SNX24: variants seen among roughly 807,000 people sequenced by gnomAD.
SNX24 encodes the protein sorting nexin-24.
Under a neutral mutation model 28.7 loss-of-function variants are expected in SNX24, and 22 were observed. That is an observed-to-expected ratio of 0.77 (90% CI 0.55 to 1.10). The LOEUF is 1.10. Ranked by LOEUF, SNX24 falls within the 50% of genes least tolerant of loss-of-function variation. The probability of loss-of-function intolerance (pLI) is 0.00; values close to 1 mark genes in which losing one functional copy is unlikely to be tolerated. For missense variants in SNX24, 221 were observed against 201.1 expected (o/e 1.10, Z -0.60); for synonymous variants, 69 against 71.5 (o/e 0.96, Z 0.18).
intron 3 of SNX24, among the ~76,000 whole-genome samples, chr5:122,959,416 G>C (rs1195777440): frequency 6.7e-6 from 1 of 150,232 alleles, no homozygotes; most frequent in Non-Finnish European, 1.5e-5. Context: ...ATATATTAGA[G>C]ACAAGACAAG....
chr5:122,874,112 A>G (rs1756116821), intron 1 of SNX24, among the ~76,000 whole-genome samples: 1 of 152,204 alleles, frequency 6.6e-6, no homozygotes, highest in African/African-American at 2.4e-5. Flanking sequence ...GTGGAGCAGT[A>G]GTTAAATCAG....
intron 2 of SNX24, among the ~76,000 whole-genome samples, chr5:122,938,176 C>A (rs574477781): frequency 1.5e-4 from 23 of 152,118 alleles, no homozygotes; most frequent in Non-Finnish European, 2.9e-4. Flanking sequence ...TTAAGCCTGC[C>A]CAGAGCACGA....
chr5:122,991,174 G>A (rs917771201), intron 3 of SNX24, among the ~76,000 whole-genome samples: 6 of 152,104 alleles, frequency 3.9e-5, no homozygotes, highest in African/African-American at 1.4e-4. Flanking sequence ...TGGGATTACA[G>A]GTGTGAGCCA....
chr5:122,909,751 C>T (rs1757799652), intron 1 of SNX24, among the ~76,000 whole-genome samples: 1 of 152,182 alleles, frequency 6.6e-6, no homozygotes, highest in African/African-American at 2.4e-5. Context: ...CCTGAGGTTT[C>T]CATGGGGCAG....
intron 5 of SNX24, chr5:123,026,054 TTACTAGAACCC>T: frequency 8.6e-7 from 1 of 1,168,936 alleles, no homozygotes. Context: ...GAGGAATCAA[TTACTAGAACCC>T]TATAGGAGGT....
intron 5 of SNX24, chr5:123,025,783 C>T (rs779206855): frequency 2.8e-5 from 45 of 1,611,380 alleles, no homozygotes; most frequent in Non-Finnish European, 3.8e-5. Context: ...TATCAATTTA[C>T]CATCCCATCA....
intron 3 of SNX24, among the ~76,000 whole-genome samples, chr5:122,984,862 C>G (rs896262900): frequency 7.2e-5 from 11 of 152,062 alleles, no homozygotes; most frequent in Non-Finnish European, 4.4e-5. Context: ...GACAAATTAA[C>G]CTAATTTTTA....
At chr5:122,936,690 G>A in intron 1 of SNX24, 44 bp from the exon 2 acceptor site, 1 of 1,101,274 alleles carries the variant, frequency 9.1e-7, no homozygotes, top group Non-Finnish European at 1.4e-6. Flanking sequence ...AGACAATTGA[G>A]GGTTTTGAAC....
intron 3 of SNX24, among the ~76,000 whole-genome samples, chr5:122,974,005 C>G (rs894343232): frequency 6.6e-6 from 1 of 152,198 alleles, no homozygotes; most frequent in African/African-American, 2.4e-5. Context: ...AGAGCCTTCT[C>G]CTGTTCTGGA....
intron 1 of SNX24, among the ~76,000 whole-genome samples, chr5:122,888,452 C>A (rs1756812145): frequency 6.6e-6 from 1 of 152,008 alleles, no homozygotes; most frequent in Admixed American, 6.6e-5. Flanking sequence ...CCTCACCTAT[C>A]AAATGAGGAT....
intron 1 of SNX24, among the ~76,000 whole-genome samples, chr5:122,884,290 T>C (rs1309521282): frequency 1.4e-5 from 2 of 145,926 alleles, no homozygotes; most frequent in African/African-American, 2.6e-5. Context: ...GTCTCGCTGT[T>C]GCCTAGGCTA....
chr5:122,889,192 A>C (rs1352196984), intron 1 of SNX24, among the ~76,000 whole-genome samples: 1 of 152,134 alleles, frequency 6.6e-6, no homozygotes, highest in African/African-American at 2.4e-5. Flanking sequence ...AAATAATTTT[A>C]AGTGTACCAG....
intron 5 of SNX24, chr5:123,025,906 CAATGCCATAGT>C: frequency 6.2e-7 from 1 of 1,613,814 alleles, no homozygotes; most frequent in Non-Finnish European, 8.5e-7. Context: ...CTGACCCACC[CAATGCCATAGT>C]GCTTCAGCTT....
At chr5:122,867,529 C>T (rs927423131) in intron 1 of SNX24, among the ~76,000 whole-genome samples, 6 of 151,160 alleles carry the variant, frequency 4.0e-5, no homozygotes, top group Admixed American at 3.3e-4. Context: ...AGATTGGGTG[C>T]TCTGCAGTGG....
chr5:122,936,931 ATTTTCT>A (rs1484468560), intron 2 of SNX24, 114 bp downstream of exon 2: 12 of 520,478 alleles, frequency 2.3e-5, no homozygotes, highest in Non-Finnish European at 4.0e-5. Flanking sequence ...ATGTATATAC[ATTTTCT>A]TTTATCATAA....
intron 3 of SNX24, chr5:122,998,153 G>T (rs1420052646): frequency 6.7e-6 from 1 of 149,026 alleles, no homozygotes; most frequent in Non-Finnish European, 1.5e-5. Flanking sequence ...GATAAAGGAG[G>T]TTTTTTTTTT....
chr5:122,989,221 G>A (rs962120652), intron 3 of SNX24, among the ~76,000 whole-genome samples: 8 of 152,126 alleles, frequency 5.3e-5, no homozygotes, highest in African/African-American at 1.7e-4. Context: ...TTAACCTTAA[G>A]CACTCAGAAG....
intron 1 of SNX24, among the ~76,000 whole-genome samples, chr5:122,893,527 T>C (rs114840943): frequency 2.7e-4 from 41 of 152,290 alleles, no homozygotes; most frequent in African/African-American, 9.6e-4. Context: ...CACATATACA[T>C]ATATACACAT....
Position 123,026,109 on chromosome 5 carries a change from A to G in SNX24, n.384-3129A>G, listed in dbSNP as rs576557880. On this transcript the variant is annotated intron_variant and non_coding_transcript_variant, in intron 5 of 5. Coordinates refer to the SNX24 transcript ENST00000502387. ...GGAAGACATGTTCAAACATAAGCAG[A>G]CATGAAGGAGGGAATAAAATTAACT... The G allele has an allele frequency of 6.3e-5, 44 of 699,128 alleles. No homozygotes were observed. In the South Asian group the frequency reaches 9.8e-4, roughly 16 times the overall value. 43.3% of individuals were successfully genotyped at this position (699,128 alleles called of 1,614,324 possible).
Sources: allele counts gnomAD v4.1 joint callset (sites outside exome capture counted in the v4.1 genomes callset), GRCh38; gene constraint gnomAD v4.1.1; transcripts MANE v1.5; gene names NCBI Gene and HGNC (gene_info 2026-07-23, HGNC 2026-07-21).